ASB17: variants seen among roughly 807,000 people sequenced by gnomAD.
ASB17 encodes the protein ankyrin repeat and SOCS box containing 17.
ASB17 carries 26 observed loss-of-function variants against 25.7 expected under a neutral mutation model. The observed-to-expected ratio is 1.01, with a 90% CI of 0.74 to 1.40. The LOEUF is 1.40. ASB17 is among the 40% of genes most tolerant of loss of function. ASB17 has a pLI of 0.00. For synonymous variants in ASB17, 128 were observed against 121.4 expected (o/e 1.05, Z -0.36); for missense variants, 326 against 338.5 (o/e 0.96, Z 0.29).
In ASB17 at chr1:75,932,283, T is replaced by C; in HGVS notation, c.9A>G (p.Lys3=). 6.2e-7 allele frequency: 1 copy of C among 1,605,548 alleles called. No homozygotes were observed. Among genetic ancestry groups the C allele is most frequent in the Non-Finnish European group, 8.5e-7 (1 of 1,175,508 alleles). Residue 3 remains lysine, a synonymous_variant, in exon 1 of 3, where the codon AAA becomes AAG. Transcript: ENST00000284142. MS[K]STKLCGKTSC... ...AAGTCTTACCACATAATTTAGTAGA[T>C]TTACTCATTGTTACTTATAGCAGCA...
intron 1 of ASB17, among the ~76,000 whole-genome samples, chr1:75,924,946 T>G (rs1386866253): frequency 6.6e-6 from 1 of 152,092 alleles, no homozygotes; most frequent in East Asian, 1.9e-4. Context: ...TACATTAAAT[T>G]TGTATCTTTT....
In ASB17 at chr1:75,920,758, G is replaced by GCTTTTCTTTTCTTTT. The variant is rs141302515; in HGVS notation, c.681+1307_681+1321dup. 9.4e-3 allele frequency among the ~76,000 whole-genome samples: 1,423 copies of GCTTTTCTTTTCTTTT among 151,250 alleles called. 14 individuals are homozygous for GCTTTTCTTTTCTTTT. Among genetic ancestry groups the GCTTTTCTTTTCTTTT allele is most frequent in the African/African-American group, 0.022 (900 of 41,214 alleles). On this transcript the variant is annotated intron_variant, in intron 2 of 2. Coordinates refer to ENST00000284142, the MANE Select transcript of ASB17 (RefSeq NM_080868.3). The stretch of plus-strand genomic sequence containing the variant: ...GTCAACTAACTCACTCTGTCCTAGT[G>GCTTTTCTTTTCTTTT]CTTTTCTTTTCTTTTCTTTTCTTTT...
intron 2 of ASB17, among the ~76,000 whole-genome samples, chr1:75,920,678 T>C (rs1383729296): frequency 6.6e-6 from 1 of 152,244 alleles, no homozygotes; most frequent in East Asian, 1.9e-4. Flanking sequence ...TTTATTAAAC[T>C]GCAATTGATT....
chr1:75,927,207 T>C (rs1653195701), intron 1 of ASB17, among the ~76,000 whole-genome samples: 1 of 152,210 alleles, frequency 6.6e-6, no homozygotes, highest in African/African-American at 2.4e-5. Context: ...AACAATTTGA[T>C]TTAGCTCTAT....
intron 1 of ASB17, among the ~76,000 whole-genome samples, chr1:75,931,113 A>G (rs11161907): frequency 0.053 from 8,110 of 152,284 alleles, 363 homozygotes; most frequent in African/African-American, 0.12. Flanking sequence ...TTCATTGCAT[A>G]CATGCATTTA....
intron 1 of ASB17, among the ~76,000 whole-genome samples, chr1:75,931,023 G>T (rs906190184): frequency 6.6e-6 from 1 of 152,152 alleles, no homozygotes; most frequent in Non-Finnish European, 1.5e-5. Context: ...GATACCATAG[G>T]ATGCACAATC....
chr1:75,926,242 C>T (rs970165183), intron 1 of ASB17, among the ~76,000 whole-genome samples: 1 of 152,072 alleles, frequency 6.6e-6, no homozygotes, highest in Non-Finnish European at 1.5e-5. Flanking sequence ...AGTAAACAAG[C>T]AAATTTTATG....
At chr1:75,925,830 A>C (rs1369997121) in intron 1 of ASB17, among the ~76,000 whole-genome samples, 1 of 152,088 alleles carries the variant, frequency 6.6e-6, no homozygotes, top group Non-Finnish European at 1.5e-5. Context: ...AATTTGATAG[A>C]TGCTTCTCCA....
chr1:75,928,141 C>G (rs1571018512), intron 1 of ASB17, among the ~76,000 whole-genome samples: 1 of 152,142 alleles, frequency 6.6e-6, no homozygotes, highest in Admixed American at 6.5e-5. Context: ...CTACTCCTCC[C>G]TAATGGTGTT....
intron 1 of ASB17, among the ~76,000 whole-genome samples, chr1:75,925,182 A>G (rs1197093366): frequency 6.6e-6 from 1 of 152,108 alleles, no homozygotes; most frequent in African/African-American, 2.4e-5. Flanking sequence ...ATGTCATAGT[A>G]AAAAATTCCC....
In ASB17 at chr1:75,922,332, G is replaced by C; in HGVS notation, c.429C>G (p.Ser143Arg). 2 of 1,612,454 alleles carry C rather than the reference G, an allele frequency of 1.2e-6. No individual in the cohort carries two copies. The highest frequency in any genetic ancestry group is 1.7e-6 in the Non-Finnish European group (2 of 1,179,602). ...AGAGAGGTGTGATGCCACTTAATGG[G>C]CTTGGACAGTATACTGGTGTGAAAG... ...WRTFTPVYCP[S>R]PLSGITPLFY... The change falls in exon 2 of 3, where the codon AGC becomes AGG. Residue 143 changes from serine to arginine, a missense_variant. Coordinates refer to ENST00000284142, the MANE Select transcript of ASB17 (RefSeq NM_080868.3).
intron 1 of ASB17, 31 bp from the exon 2 acceptor site, chr1:75,922,390 G>C (rs1653052513): frequency 2.7e-6 from 4 of 1,475,480 alleles, no homozygotes; most frequent in Non-Finnish European, 2.7e-6. Flanking sequence ...AAACTCATTG[G>C]ATATAGAATT....
At chr1:75,928,444 G>A (rs775253257) in intron 1 of ASB17, among the ~76,000 whole-genome samples, 59 of 152,112 alleles carry the variant, frequency 3.9e-4, no homozygotes, top group Non-Finnish European at 7.9e-4. Context: ...TGGTGAAAAT[G>A]AACAAACTTA....
At chr1:75,928,263 CTAAAA>C (rs998720284) in intron 1 of ASB17, among the ~76,000 whole-genome samples, 10 of 152,082 alleles carry the variant, frequency 6.6e-5, no homozygotes, top group African/African-American at 2.4e-4. Flanking sequence ...TATGAGCTCT[CTAAAA>C]TCAGGAAATG....
Position 75,922,185 on chromosome 1 carries a change from T to TA in ASB17, c.575dup (p.Arg193LysfsTer5). ...CCAATTCACGATCAACCATTACTCTTACTCTCGAAGGGTAGAGTACTATTG... is the reference window on the plus strand; with the variant it reads ...CCAATTCACGATCAACCATTACTCTTAACTCTCGAAGGGTAGAGTACTATTG... On this transcript the variant is annotated frameshift_variant, in exon 2 of 3. Coordinates refer to ENST00000284142, the MANE Select transcript of ASB17 (RefSeq NM_080868.3). LOFTEE classifies it high-confidence loss of function. 2 of 1,613,774 alleles carry TA rather than the reference T, an allele frequency of 1.2e-6. No individual in the cohort carries two copies. Among genetic ancestry groups the TA allele is most frequent in the Non-Finnish European group, 8.5e-7 (1 of 1,179,778 alleles).
chr1:75,932,005 G>A lies in ASB17; in HGVS notation c.287C>T (p.Thr96Ile). ...TCTGGCAAAAACCCAGTACAGAATT[G>A]TATTCACACATATTTCAGTGAAGTC... ...NLDFTEICVNTILYWVFARKG... is the reference protein window; with the variant it reads ...NLDFTEICVNIILYWVFARKG... The change falls in exon 1 of 3, where the codon ACA becomes ATA. Residue 96 changes from threonine to isoleucine, a missense_variant. Physicochemically the swap from Thr to Ile is moderately conservative, Grantham distance 89. Transcript: ENST00000284142. 6.2e-7 allele frequency: 1 copy of A among 1,614,058 alleles called. No homozygotes were observed. Among genetic ancestry groups the A allele is most frequent in the Non-Finnish European group, 8.5e-7 (1 of 1,179,992 alleles).
intron 1 of ASB17, among the ~76,000 whole-genome samples, chr1:75,928,445 A>C (rs1653230787): frequency 6.6e-6 from 1 of 152,210 alleles, no homozygotes; most frequent in Non-Finnish European, 1.5e-5. Flanking sequence ...GGTGAAAATG[A>C]ACAAACTTAA....
chr1:75,930,139 C>G (rs890570669), intron 1 of ASB17, among the ~76,000 whole-genome samples: 4 of 149,730 alleles, frequency 2.7e-5, no homozygotes, highest in Non-Finnish European at 4.4e-5. Flanking sequence ...TATTTAAAGT[C>G]ATATGACTAT....
In ASB17 at chr1:75,932,015, A is replaced by T; in HGVS notation, c.277T>A (p.Cys93Ser). 6.2e-7 allele frequency: 1 copy of T among 1,614,174 alleles called. No individual in the cohort carries two copies. Among genetic ancestry groups the T allele is most frequent in the Non-Finnish European group, 8.5e-7 (1 of 1,180,000 alleles). ...ACCCAGTACAGAATTGTATTCACAC[A>T]TATTTCAGTGAAGTCGAGGTTAAAA... ...VSFNLDFTEICVNTILYWVFA... is the reference protein window; with the variant it reads ...VSFNLDFTEISVNTILYWVFA... The change falls in exon 1 of 3, where the codon TGT becomes AGT. Residue 93 changes from cysteine (C) to serine (S), a missense_variant. Coordinates refer to ENST00000284142, the MANE Select transcript of ASB17 (RefSeq NM_080868.3).
Sources: allele counts gnomAD v4.1 joint callset (sites outside exome capture counted in the v4.1 genomes callset), GRCh38; gene constraint gnomAD v4.1.1; transcripts MANE v1.5; gene names NCBI Gene and HGNC (gene_info 2026-07-23, HGNC 2026-07-21).